Variants in GOLGA5 observed in about 807,000 individuals in gnomAD.
GOLGA5 encodes golgin A5.
Under a neutral mutation model 93.5 loss-of-function variants are expected in GOLGA5, and 50 were observed. That is an observed-to-expected ratio of 0.53 (90% CI 0.43 to 0.68). The LOEUF is 0.68. Ranked by LOEUF, GOLGA5 falls within the 30% of genes least tolerant of loss-of-function variation. The probability of loss-of-function intolerance (pLI) is 0.00; values close to 1 mark genes in which losing one functional copy is unlikely to be tolerated. For synonymous variants in GOLGA5, 312 were observed against 304.5 expected, an observed-to-expected ratio of 1.02 and a Z score of -0.26; for missense variants, 760 against 856.4, an observed-to-expected ratio of 0.89 and a Z score of 1.40.
intron 10 of GOLGA5, among the ~76,000 whole-genome samples, chr14:92,834,350 C>A (rs1176794482): frequency 1.3e-5 from 2 of 151,826 alleles, no homozygotes; most frequent in Non-Finnish European, 2.9e-5. Context: ...TATCCCTCCT[C>A]CCCCCTCCCC....
rs991746020 is a variant in GOLGA5, at chr14:92,814,560, G to T, written c.1321-1691G>T. ...GGGGAATGAGGTTGGGAGGTTTCTG[G>T]TTTTTTATTAAAAAAAATCTTAAAA... On this transcript the variant is annotated intron_variant, in intron 6 of 12. Transcript: ENST00000163416. 1.3e-5 allele frequency among the ~76,000 whole-genome samples: 2 copies of T among 151,894 alleles called. 1 individual carries two copies. The highest frequency in any genetic ancestry group is 4.2e-4 in the South Asian group (2 of 4,810).
At chr14:92,819,483 T>G (rs1444751421) in intron 7 of GOLGA5, among the ~76,000 whole-genome samples, 1 of 149,482 alleles carries the variant, frequency 6.7e-6, no homozygotes, top group Non-Finnish European at 1.5e-5. Flanking sequence ...AAAAAAAAAC[T>G]TAAGCCAGGC....
At chr14:92,838,902 A>C (rs565720468) in intron 12 of GOLGA5, among the ~76,000 whole-genome samples, 1 of 152,044 alleles carries the variant, frequency 6.6e-6, no homozygotes, top group Non-Finnish European at 1.5e-5. Context: ...GAGGGAATTA[A>C]ATTTGTCACT....
chr14:92,801,194 A>G lies in GOLGA5; in HGVS notation c.544+3213A>G, dbSNP rs368964610. Among the ~76,000 whole-genome samples the G allele has an allele frequency of 4.8e-4, 73 of 152,348 alleles. No individual in the cohort carries two copies. In the South Asian group the frequency reaches 0.015, roughly 30 times the overall value. On this transcript the variant is annotated intron_variant, in intron 2 of 12. Coordinates refer to ENST00000163416, the MANE Select transcript of GOLGA5 (RefSeq NM_005113.4). Reference sequence around the variant, plus strand: ...TGTAGAAATGGGATTGCTGAGCTGTAGGGTTTAACAATGTTCAGCTACACT... The same window carrying G: ...TGTAGAAATGGGATTGCTGAGCTGTGGGGTTTAACAATGTTCAGCTACACT...
At position 92,806,855 on chromosome 14, in the gene GOLGA5, CAT is replaced by C; in HGVS notation, c.665_666del (p.His222ArgfsTer4). ...AACACCTAATGATGATGGCAAATCA[CAT>C]GAACTGTCTAACCTTCGACTGGAGA... ...TPTPNDDGKS[H>X]ELSNLRLENQ... On this transcript the variant is annotated frameshift_variant, in exon 3 of 13. Coordinates refer to ENST00000163416, the MANE Select transcript of GOLGA5 (RefSeq NM_005113.4). LOFTEE classifies it high-confidence loss of function. 1 of 1,613,502 alleles carries C rather than the reference CAT, an allele frequency of 6.2e-7. No homozygotes were observed. Among genetic ancestry groups the C allele is most frequent in the Non-Finnish European group, 8.5e-7 (1 of 1,179,422 alleles).
At chr14:92,816,195 T>G in intron 6 of GOLGA5, 56 bp from the exon 7 acceptor site, 1 of 1,164,652 alleles carries the variant, frequency 8.6e-7, no homozygotes, top group South Asian at 1.3e-5. Context: ...GTAGATGATA[T>G]TCAATATACA....
chr14:92,822,503 C>T (rs1038319930), intron 8 of GOLGA5, among the ~76,000 whole-genome samples: 3 of 152,188 alleles, frequency 2.0e-5, no homozygotes, highest in African/African-American at 7.2e-5. Context: ...ATTGTACAAA[C>T]GAGCAGTGCA....
intron 9 of GOLGA5, among the ~76,000 whole-genome samples, chr14:92,826,977 T>G (rs1885436011): frequency 6.6e-6 from 1 of 152,150 alleles, no homozygotes; most frequent in South Asian, 2.1e-4. Flanking sequence ...TAAAATTTTC[T>G]TCTCATCAAA....
intron 9 of GOLGA5, among the ~76,000 whole-genome samples, chr14:92,830,597 TTTG>T (rs144995688): frequency 0.066 from 10,036 of 151,968 alleles, 397 homozygotes; most frequent in Middle Eastern, 0.11. Flanking sequence ...AATACAGCTT[TTTG>T]TTGTTGTTGT....
At chr14:92,817,870 T>C (rs921938818) in intron 7 of GOLGA5, among the ~76,000 whole-genome samples, 1 of 152,226 alleles carries the variant, frequency 6.6e-6, no homozygotes, top group African/African-American at 2.4e-5. Context: ...TTCTCATCTA[T>C]AGAATGCAGG....
intron 9 of GOLGA5, among the ~76,000 whole-genome samples, chr14:92,830,634 C>G (rs1885511098): frequency 6.6e-6 from 1 of 152,130 alleles, no homozygotes; most frequent in Admixed American, 6.5e-5. Flanking sequence ...GATATTTGCT[C>G]TGTCACCCGG....
In GOLGA5 at chr14:92,834,849, G is replaced by A. The variant is rs112697694; in HGVS notation, c.1946-710G>A. On this transcript the variant is annotated intron_variant, in intron 10 of 12. Transcript: ENST00000163416. Reference sequence around the variant, plus strand: ...CAGGGAGACAGGGCAAGAGGAGGCCGGAGGTGGGTGGGTAGCCATTGCATT... The same window carrying A: ...CAGGGAGACAGGGCAAGAGGAGGCCAGAGGTGGGTGGGTAGCCATTGCATT... Among the ~76,000 whole-genome samples the A allele has an allele frequency of 2.6e-4, 39 of 152,322 alleles. 1 individual carries two copies. The highest frequency in any genetic ancestry group is 7.9e-4 in the African/African-American group (33 of 41,582).
intron 7 of GOLGA5, among the ~76,000 whole-genome samples, chr14:92,817,647 A>G (rs1885237332): frequency 6.6e-6 from 1 of 151,246 alleles, no homozygotes; most frequent in Non-Finnish European, 1.5e-5. Context: ...CTTTTCTTAA[A>G]AGGAAGAAAC....
chr14:92,836,792 G>A (rs931344658), intron 11 of GOLGA5, among the ~76,000 whole-genome samples: 5 of 152,106 alleles, frequency 3.3e-5, no homozygotes, highest in African/African-American at 9.7e-5. Flanking sequence ...GGCCGGGCAC[G>A]GTGGCTCACA....
chr14:92,805,979 TA>T (rs11420333), intron 2 of GOLGA5, among the ~76,000 whole-genome samples: 20 of 137,318 alleles, frequency 1.5e-4, no homozygotes, highest in Admixed American at 5.0e-4. Flanking sequence ...CCAGTTTGAT[TA>T]AAAAAAAAAA....
At chr14:92,833,922 G>A (rs1885582628) in intron 10 of GOLGA5, among the ~76,000 whole-genome samples, 1 of 151,100 alleles carries the variant, frequency 6.6e-6, no homozygotes, top group South Asian at 2.1e-4. Flanking sequence ...GAGACGCTGG[G>A]TGCCAGGTAT....
At chr14:92,837,060 A>G (rs1392198057) in intron 11 of GOLGA5, among the ~76,000 whole-genome samples, 1 of 151,794 alleles carries the variant, frequency 6.6e-6, no homozygotes, top group East Asian at 1.9e-4. Flanking sequence ...GACAGGAGAG[A>G]AACTCCGTCT....
At chr14:92,826,175 TAGG>T (rs1885417383) in intron 9 of GOLGA5, among the ~76,000 whole-genome samples, 1 of 151,814 alleles carries the variant, frequency 6.6e-6, no homozygotes, top group South Asian at 2.1e-4. Context: ...GAATTAACCA[TAGG>T]AGGATTTCTC....
Position 92,798,001 on chromosome 14 carries a change from A to C in GOLGA5, c.544+20A>C. ...CCCACGGTAGTTAATCAGTCCTCTT[A>C]TTTCTTTTAGAGTTAAGCAAATTGA... On this transcript the variant is annotated intron_variant, in intron 2 of 12. Coordinates refer to ENST00000163416, the MANE Select transcript of GOLGA5 (RefSeq NM_005113.4). 6.7e-7 allele frequency: 1 copy of C among 1,500,818 alleles called. No homozygotes were observed. The highest frequency in any genetic ancestry group is 1.3e-5 in the South Asian group (1 of 77,276). 93.0% of individuals were successfully genotyped at this position (1,500,818 alleles called of 1,614,324 possible). A position where few individuals can be genotyped will look rare whatever the true frequency, so the allele number is the denominator to read the frequency against.
Sources: allele counts gnomAD v4.1 joint callset (sites outside exome capture counted in the v4.1 genomes callset), GRCh38; gene constraint gnomAD v4.1.1; transcripts MANE v1.5; gene names NCBI Gene and HGNC (gene_info 2026-07-23, HGNC 2026-07-21).